Variants in DCC observed in about 807,000 individuals in gnomAD.
DCC encodes DCC netrin 1 receptor.
Under a neutral mutation model 172.5 loss-of-function variants are expected in DCC, and 58 were observed. The observed-to-expected ratio is 0.34, with a 90% CI of 0.27 to 0.42. The LOEUF is 0.42. DCC is among the 10% of genes least tolerant of loss of function. The pLI is 1.00. For missense variants in DCC, 1,740 were observed against 1,791.0 expected (o/e 0.97, Z 0.51); for synonymous variants, 709 against 644.5 (o/e 1.10, Z -1.52).
intron 2 of DCC, among the ~76,000 whole-genome samples, chr18:52,891,047 A>C (rs1433365558): frequency 6.6e-6 from 1 of 151,850 alleles, no homozygotes; most frequent in African/African-American, 2.4e-5. Context: ...TAAAATTAAT[A>C]AGAAGGCTCA....
chr18:52,502,520 A>G (rs2031063574), intron 1 of DCC, among the ~76,000 whole-genome samples: 1 of 152,070 alleles, frequency 6.6e-6, no homozygotes, highest in African/African-American at 2.4e-5. Context: ...TCTATTTTAG[A>G]TTTTCTGATT....
At chr18:52,586,453 C>T (rs1407802783) in intron 1 of DCC, among the ~76,000 whole-genome samples, 2 of 152,134 alleles carry the variant, frequency 1.3e-5, no homozygotes, top group East Asian at 3.9e-4. Flanking sequence ...AACACTGCAA[C>T]TCCCTTCTTA....
chr18:52,783,966 CTTTAATGTAGTCTCATGCATT>C (rs2145191800), intron 2 of DCC, among the ~76,000 whole-genome samples: 1 of 152,162 alleles, frequency 6.6e-6, no homozygotes, highest in African/African-American at 2.4e-5. Context: ...ACTCTTCTAA[CTTTAATGTAGTCTCATGCATT>C]TTGAAATATA....
chr18:52,971,132 A>C (rs1303186665), intron 5 of DCC, among the ~76,000 whole-genome samples: 3 of 152,244 alleles, frequency 2.0e-5, no homozygotes, highest in East Asian at 3.9e-4. Flanking sequence ...CCCCAGGGGC[A>C]GAAAAAAAAC....
intron 1 of DCC, among the ~76,000 whole-genome samples, chr18:52,354,205 T>C (rs1252795281): frequency 6.6e-6 from 1 of 152,108 alleles, no homozygotes; most frequent in Non-Finnish European, 1.5e-5. Context: ...GTGCTAACAA[T>C]AGGACAGCCC....
intron 2 of DCC, among the ~76,000 whole-genome samples, chr18:52,772,565 G>C (rs2037362127): frequency 6.6e-6 from 1 of 152,090 alleles, no homozygotes; most frequent in African/African-American, 2.4e-5. Flanking sequence ...TGCAACAAAG[G>C]GAAAAGCACA....
chr18:53,171,091 G>T (rs184151807), intron 8 of DCC, among the ~76,000 whole-genome samples: 1 of 152,134 alleles, frequency 6.6e-6, no homozygotes. Context: ...CACCAGATTG[G>T]CCAGGCTGGT....
chr18:52,562,661 C>T (rs140771517), intron 1 of DCC, among the ~76,000 whole-genome samples: 32 of 151,804 alleles, frequency 2.1e-4, no homozygotes, highest in South Asian at 6.2e-4. Context: ...GATTTATATA[C>T]GAGTATGATT....
chr18:52,687,515 C>A (rs1353219805), intron 1 of DCC, among the ~76,000 whole-genome samples: 1 of 152,028 alleles, frequency 6.6e-6, no homozygotes, highest in African/African-American at 2.4e-5. Flanking sequence ...AATCTCCTGA[C>A]CTCAGGTGAT....
chr18:53,408,382 C>T (rs1358910686), intron 19 of DCC, among the ~76,000 whole-genome samples: 1 of 152,088 alleles, frequency 6.6e-6, no homozygotes, highest in African/African-American at 2.4e-5. Flanking sequence ...TGCTTTTAAG[C>T]TTATGTAATT....
chr18:53,176,383 G>A (rs1330593638), intron 8 of DCC, among the ~76,000 whole-genome samples: 12 of 141,928 alleles, frequency 8.5e-5, no homozygotes, highest in African/African-American at 3.0e-4. Context: ...CCATCAGAGT[G>A]AACAGGCAAC....
chr18:52,471,796 C>T (rs991712929), intron 1 of DCC, among the ~76,000 whole-genome samples: 3 of 152,154 alleles, frequency 2.0e-5, no homozygotes, highest in Non-Finnish European at 4.4e-5. Context: ...AAAGAATGGC[C>T]ATTCTCAATG....
At chr18:53,174,324 A>C (rs1261843373) in intron 8 of DCC, among the ~76,000 whole-genome samples, 3 of 149,886 alleles carry the variant, frequency 2.0e-5, no homozygotes, top group African/African-American at 7.5e-5. Flanking sequence ...AGAAATAACT[A>C]AAATCAGAGC....
intron 1 of DCC, among the ~76,000 whole-genome samples, chr18:52,737,680 G>T (rs2036750633): frequency 6.6e-6 from 1 of 152,132 alleles, no homozygotes; most frequent in African/African-American, 2.4e-5. Context: ...TGAAATAAAG[G>T]ATCTGTGGCT....
chr18:53,498,534 T>A (rs2046054430), intron 26 of DCC, among the ~76,000 whole-genome samples: 1 of 148,644 alleles, frequency 6.7e-6, no homozygotes. Flanking sequence ...TTGAAAATAT[T>A]TTATTCTGTC....
At chr18:52,487,891 C>A (rs2603707) in intron 1 of DCC, among the ~76,000 whole-genome samples, 1 of 150,394 alleles carries the variant, frequency 6.6e-6, no homozygotes, top group Non-Finnish European at 1.5e-5. Flanking sequence ...ATACATAAAC[C>A]TAGACTCTCT....
chr18:52,995,786 A>G (rs1215661216), intron 5 of DCC, among the ~76,000 whole-genome samples: 1 of 152,048 alleles, frequency 6.6e-6, no homozygotes, highest in Non-Finnish European at 1.5e-5. Flanking sequence ...AGAGGAGCCT[A>G]ACTTCAGTAA....
At chr18:52,861,268 G>C (rs910070403) in intron 2 of DCC, among the ~76,000 whole-genome samples, 1 of 152,142 alleles carries the variant, frequency 6.6e-6, no homozygotes, top group African/African-American at 2.4e-5. Context: ...ATGTAGACAA[G>C]GTACCAGGCC....
chr18:53,452,890 G>A (rs915790910), intron 23 of DCC, among the ~76,000 whole-genome samples: 5 of 150,190 alleles, frequency 3.3e-5, no homozygotes, highest in Admixed American at 2.0e-4. Context: ...AGTTTAGTGG[G>A]GTTTGTTTGT....
Sources: gnomAD v4.1 joint callset for allele counts (sites outside exome capture counted in the v4.1 genomes callset) on GRCh38, gnomAD v4.1.1 for gene constraint, MANE v1.5 for transcripts, NCBI Gene and HGNC (gene_info 2026-07-23, HGNC 2026-07-21) for gene names.